CFAP299: variants seen among roughly 807,000 people sequenced by gnomAD.
CFAP299 encodes the protein cilia- and flagella-associated protein 299.
Under a neutral mutation model 27.0 loss-of-function variants are expected in CFAP299, and 21 were observed. The ratio of observed to expected loss-of-function variants is 0.78; its 90% confidence interval spans 0.55 to 1.12. CFAP299 has a LOEUF of 1.12. Ranked by LOEUF, CFAP299 falls within the 50% of genes most tolerant of loss-of-function variation. The probability of loss-of-function intolerance (pLI) is 0.00; values close to 1 mark genes in which losing one functional copy is unlikely to be tolerated. For missense variants in CFAP299, 310 were observed against 276.6 expected (o/e 1.12, Z -0.86); for synonymous variants, 104 against 98.1 (o/e 1.06, Z -0.36).
Position 80,739,461 on chromosome 4 carries a change from TTTTG to T in CFAP299, c.334-130516_334-130513del, listed in dbSNP as rs895782983. Among the ~76,000 whole-genome samples the T allele has an allele frequency of 1.9e-3, 289 of 152,196 alleles. 2 individuals are homozygous for T. The highest frequency in any genetic ancestry group is 6.5e-3 in the African/African-American group (272 of 41,556). On this transcript the variant is annotated intron_variant, in intron 3 of 5. Transcript: ENST00000358105. ...GGTAAAAGTGGTTTTCATTTTTTGT[TTTTG>T]TTTGTTTGTTTGTTTCGTTCATCAT... is the stretch of plus-strand genomic sequence containing the variant.
chr4:80,556,032 C>CA (rs1292770613), intron 2 of CFAP299, among the ~76,000 whole-genome samples: 1 of 151,902 alleles, frequency 6.6e-6, no homozygotes, highest in Non-Finnish European at 1.5e-5. Context: ...AAAATGAAAA[C>CA]AATCAGCAAC....
chr4:80,910,685 G>A (rs989579911), intron 4 of CFAP299, among the ~76,000 whole-genome samples: 1 of 151,824 alleles, frequency 6.6e-6, no homozygotes, highest in Admixed American at 6.6e-5. Context: ...GGTAGAGGGT[G>A]GAAGCAGAAA....
At chr4:80,816,134 G>A (rs2110120407) in intron 3 of CFAP299, among the ~76,000 whole-genome samples, 1 of 151,848 alleles carries the variant, frequency 6.6e-6, no homozygotes, top group East Asian at 1.9e-4. Flanking sequence ...CAAAATATGA[G>A]AATAAGATTT....
chr4:80,683,548 T>G (rs1448513287), intron 3 of CFAP299, among the ~76,000 whole-genome samples: 1 of 152,198 alleles, frequency 6.6e-6, no homozygotes, highest in African/African-American at 2.4e-5. Context: ...GATGACAAAT[T>G]TAATAAAATA....
At chr4:80,789,027 A>G (rs1279731704) in intron 3 of CFAP299, among the ~76,000 whole-genome samples, 1 of 152,122 alleles carries the variant, frequency 6.6e-6, no homozygotes, top group Non-Finnish European at 1.5e-5. Context: ...GGTTGCTGAA[A>G]TACAGTTCTT....
chr4:80,470,808 G>A (rs1384016699), intron 2 of CFAP299, among the ~76,000 whole-genome samples: 1 of 152,166 alleles, frequency 6.6e-6, no homozygotes, highest in African/African-American at 2.4e-5. Flanking sequence ...GAGAAAATAG[G>A]ATAGGGTAGG....
chr4:80,698,148 A>T (rs182789445), intron 3 of CFAP299, among the ~76,000 whole-genome samples: 26 of 152,282 alleles, frequency 1.7e-4, no homozygotes, highest in Middle Eastern at 6.8e-3. Flanking sequence ...GTTATGTATG[A>T]CTCTGGAAAA....
chr4:80,603,027 A>G (rs1737443407), intron 3 of CFAP299, among the ~76,000 whole-genome samples: 1 of 152,100 alleles, frequency 6.6e-6, no homozygotes, highest in Non-Finnish European at 1.5e-5. Context: ...CATACTCCCA[A>G]AAGTATAAGC....
At chr4:80,497,612 C>T (rs1033592579) in intron 2 of CFAP299, among the ~76,000 whole-genome samples, 3 of 152,066 alleles carry the variant, frequency 2.0e-5, no homozygotes, top group African/African-American at 7.2e-5. Flanking sequence ...TTTTACCCTA[C>T]ATTTTTTGCC....
chr4:80,923,431 C>A (rs776790474), intron 4 of CFAP299, among the ~76,000 whole-genome samples: 1 of 151,962 alleles, frequency 6.6e-6, no homozygotes, highest in African/African-American at 2.4e-5. Context: ...AGATGAAGAA[C>A]TTATTTGTCC....
chr4:80,774,524 C>A (rs768249853), intron 3 of CFAP299, among the ~76,000 whole-genome samples: 4 of 151,752 alleles, frequency 2.6e-5, no homozygotes, highest in Non-Finnish European at 4.4e-5. Context: ...TGGACAAAGA[C>A]CTTAAACAAT....
chr4:80,770,103 T>C lies in CFAP299; in HGVS notation c.334-99890T>C, dbSNP rs1032013090. On this transcript the variant is annotated intron_variant, in intron 3 of 5. Transcript: ENST00000358105. ...GTCTAACAAACTTCTTTCTTTGCAC[T>C]TTCTTGGTCCCTTTCAAGTCAAGTG... 3.3e-5 allele frequency among the ~76,000 whole-genome samples: 5 copies of C among 152,206 alleles called. No homozygotes were observed. The South Asian group carries it at 1.0e-3, about 32-fold the overall frequency.
At chr4:80,386,432 C>A in intron 2 of CFAP299, 2 of 1,544,032 alleles carry the variant, frequency 1.3e-6, no homozygotes, top group Non-Finnish European at 8.7e-7. Context: ...CCAGCCCCAG[C>A]GGGTCAGGCA....
At chr4:80,448,520 C>T (rs1296206369) in intron 2 of CFAP299, among the ~76,000 whole-genome samples, 1 of 152,048 alleles carries the variant, frequency 6.6e-6, no homozygotes, top group Middle Eastern at 3.2e-3. Context: ...ATGCCACCAG[C>T]TCTATTATGC....
intron 4 of CFAP299, among the ~76,000 whole-genome samples, chr4:80,921,317 A>G (rs1190209724): frequency 1.3e-5 from 2 of 152,128 alleles, no homozygotes; most frequent in African/African-American, 2.4e-5. Context: ...GCAATGAGAT[A>G]GATATGTTCA....
In CFAP299 at chr4:80,944,934, C is replaced by A; in HGVS notation, c.601C>A (p.Pro201Thr). The A allele has an allele frequency of 1.9e-6, 3 of 1,610,744 alleles. No individual in the cohort carries two copies. The highest frequency in any genetic ancestry group is 2.5e-6 in the Non-Finnish European group (3 of 1,178,356). ...KRDRKILNVD[P>T]KAQPGDNSTR... is the part of the protein sequence containing the mutation. ...AGACAGAAAAATTCTTAATGTGGAC[C>A]CAAAGGTAATTCTTCTTTTACACTT... The change falls in exon 5 of 6, where the codon CCA (proline) becomes ACA (threonine). Residue 201 changes from proline (P) to threonine (T), a missense_variant. Transcript: ENST00000358105.
chr4:80,394,792 T>C (rs1290254411), intron 2 of CFAP299, among the ~76,000 whole-genome samples: 1 of 152,148 alleles, frequency 6.6e-6, no homozygotes, highest in African/African-American at 2.4e-5. Flanking sequence ...GTATGTCTGT[T>C]TTTATGCTGG....
intron 4 of CFAP299, among the ~76,000 whole-genome samples, chr4:80,913,007 C>T (rs796615942): frequency 8.5e-5 from 13 of 152,224 alleles, no homozygotes; most frequent in African/African-American, 2.9e-4. Context: ...GCACTGCCTA[C>T]CCTAGTCCCC....
chr4:80,762,556 ATTCTCATCTGGGAACAGATGAG>A (rs1418537589), intron 3 of CFAP299, among the ~76,000 whole-genome samples: 1 of 152,148 alleles, frequency 6.6e-6, no homozygotes, highest in Non-Finnish European at 1.5e-5. Context: ...CATAACTTTA[ATTCTCATCTGGGAACAGATGAG>A]TTCTAGAGCC....
Sources: allele counts gnomAD v4.1 joint callset (sites outside exome capture counted in the v4.1 genomes callset), GRCh38; gene constraint gnomAD v4.1.1; transcripts MANE v1.5; gene names NCBI Gene and HGNC (gene_info 2026-07-23, HGNC 2026-07-21).